ZC3H14: variants seen among roughly 807,000 people sequenced by gnomAD.
The protein encoded by ZC3H14 is zinc finger CCCH domain-containing protein 14.
In ZC3H14, 31 loss-of-function variants were observed where a neutral mutation model predicts 92.4. The observed-to-expected ratio is 0.34, with a 90% CI of 0.25 to 0.45. ZC3H14 has a LOEUF of 0.45. Ranked by LOEUF, ZC3H14 falls within the 20% of genes least tolerant of loss-of-function variation. The pLI, the probability that ZC3H14 is intolerant of heterozygous loss-of-function variation, is 1.00. For synonymous variants in ZC3H14, 321 were observed against 300.9 expected (o/e 1.07, Z -0.69); for missense variants, 781 against 897.3 (o/e 0.87, Z 1.66).
rs568233921 is a variant in ZC3H14, at chr14:88,599,619, G to A, written c.1355-2305G>A. Among the ~76,000 whole-genome samples the A allele has an allele frequency of 2.2e-4, 34 of 152,194 alleles. 1 individual carries two copies. In the East Asian group the frequency reaches 6.2e-3, roughly 28 times the overall value. The stretch of plus-strand genomic sequence containing the variant: ...TACTTTCTCCAAGCTTTGACCTTTC[G>A]GCTTCCAGTTCACTCTGTCTTTATT... On this transcript the variant is annotated intron_variant, in intron 10 of 16. Transcript: ENST00000251038.
chr14:88,577,957 TTCTA>T (rs1477048205), intron 8 of ZC3H14, 24 bp from the exon 9 acceptor site: 9 of 1,613,696 alleles, frequency 5.6e-6, no homozygotes, highest in Admixed American at 1.7e-5. Context: ...GCATTTGTAT[TTCTA>T]TCTTTTTTGC....
intron 9 of ZC3H14, among the ~76,000 whole-genome samples, chr14:88,578,600 A>G (rs895046458): frequency 2.0e-5 from 3 of 152,084 alleles, no homozygotes. Context: ...TCTTAAAGAT[A>G]TATTTATTTC....
At position 88,574,838 on chromosome 14, in the gene ZC3H14, C is replaced by G; in HGVS notation, c.1007C>G (p.Ala336Gly). ...ATCTCCAGCAGTGTGTCTGTGCCTG[C>G]AAAGCCTGAAAGGAGGTACCTTGAA... The part of the protein sequence containing the change: ...GSISSSVSVP[A>G]KPERRPSLPP... The change falls in exon 7 of 17, where the codon GCA (alanine) becomes GGA (glycine). Residue 336 changes from alanine (A) to glycine (G), a missense_variant. By Grantham distance (60) the Ala-to-Gly change is moderately conservative. Coordinates refer to ENST00000251038, the MANE Select transcript of ZC3H14 (RefSeq NM_024824.5). 2 of 1,614,170 alleles carry G rather than the reference C, an allele frequency of 1.2e-6. No individual in the cohort carries two copies. The highest frequency in any genetic ancestry group is 1.7e-6 in the Non-Finnish European group (2 of 1,180,024).
chr14:88,586,027 G>C (rs772201902), intron 9 of ZC3H14, among the ~76,000 whole-genome samples: 3 of 152,138 alleles, frequency 2.0e-5, no homozygotes, highest in Non-Finnish European at 2.9e-5. Flanking sequence ...AATTAGCCAG[G>C]CATGGTGGCA....
At chr14:88,594,936 A>T (rs2083604466) in intron 9 of ZC3H14, 2 of 1,613,998 alleles carry the variant, frequency 1.2e-6, no homozygotes, top group Non-Finnish European at 1.7e-6. Flanking sequence ...TTTTTGATCT[A>T]AATGTTAGAG....
chr14:88,603,151 C>A, intron 12 of ZC3H14, 91 bp downstream of exon 12: 1 of 1,275,444 alleles, frequency 7.8e-7, no homozygotes, highest in Non-Finnish European at 1.1e-6. Context: ...TGGTTAAAGG[C>A]CTTGCTTTTA....
chr14:88,594,400 G>A (rs922884250), intron 9 of ZC3H14: 12 of 1,099,666 alleles, frequency 1.1e-5, no homozygotes, highest in African/African-American at 1.7e-5. Context: ...GTAATAATAG[G>A]GTTTACTGGA....
In ZC3H14 at chr14:88,572,064, C is replaced by T. The variant is rs146896713; in HGVS notation, c.270C>T (p.Ile90=). Residue 90 remains isoleucine (I), a synonymous_variant, in exon 5 of 17, where the codon ATC becomes ATT. Coordinates refer to ENST00000251038, the MANE Select transcript of ZC3H14 (RefSeq NM_024824.5). ...GTCTGAAGTCTTCTGATACCAACAT[C>T]TTTGATAGTAACGTGCCTTCAAACA... ...PSSLKSSDTN[I]FDSNVPSNKS... is the part of the protein sequence containing the mutation. 107 of 1,614,102 alleles carry T rather than the reference C, an allele frequency of 6.6e-5. 1 individual carries two copies. In the African/African-American group the frequency reaches 1.2e-3, roughly 19 times the overall value.
chr14:88,589,643 G>A (rs2082868634), intron 9 of ZC3H14: 1 of 152,140 alleles, frequency 6.6e-6, no homozygotes, highest in Non-Finnish European at 1.5e-5. Context: ...CCTCATTTTA[G>A]TTTATTGGTG....
At chr14:88,578,231 A>G in intron 9 of ZC3H14, 91 bp downstream of exon 9, 4 of 1,486,326 alleles carry the variant, frequency 2.7e-6, no homozygotes, top group East Asian at 2.3e-5. Flanking sequence ...ATATTACACT[A>G]TGAAAAAAGT....
In ZC3H14 at chr14:88,574,830, T is replaced by C. The variant is rs1312431454; in HGVS notation, c.999T>C (p.Ser333=). 2 of 1,614,222 alleles carry C rather than the reference T, an allele frequency of 1.2e-6. No homozygotes were observed. The highest frequency in any genetic ancestry group is 8.5e-7 in the Non-Finnish European group (1 of 1,180,032). Reference sequence around the variant, plus strand: ...CAGGAAGCATCTCCAGCAGTGTGTCTGTGCCTGCAAAGCCTGAAAGGAGGT... The same window carrying C: ...CAGGAAGCATCTCCAGCAGTGTGTCCGTGCCTGCAAAGCCTGAAAGGAGGT... ...SRTGSISSSV[S]VPAKPERRPS... The change falls in exon 7 of 17, where the codon TCT becomes TCC. Residue 333 remains serine, a synonymous_variant. Coordinates refer to ENST00000251038, the MANE Select transcript of ZC3H14 (RefSeq NM_024824.5).
intron 9 of ZC3H14, among the ~76,000 whole-genome samples, chr14:88,580,193 C>T (rs2081719581): frequency 6.7e-6 from 1 of 148,188 alleles, no homozygotes; most frequent in Non-Finnish European, 1.5e-5. Context: ...TACCATTGCC[C>T]TCCAGGGAGG....
chr14:88,578,320 T>G (rs895107381), intron 9 of ZC3H14, among the ~76,000 whole-genome samples, 180 bp downstream of exon 9: 1 of 152,148 alleles, frequency 6.6e-6, no homozygotes, highest in Non-Finnish European at 1.5e-5. Flanking sequence ...AAATTTTTTT[T>G]TTAAAGAGGT....
At chr14:88,574,437 G>T (rs1838445455) in intron 6 of ZC3H14, 3 of 406,340 alleles carry the variant, frequency 7.4e-6, no homozygotes, top group South Asian at 6.4e-5. Context: ...TAGAGACAGG[G>T]TTTCACCATA....
At chr14:88,572,278 T>TG (rs2080523825) in intron 5 of ZC3H14, 53 bp downstream of exon 5, 5 of 1,575,724 alleles carry the variant, frequency 3.2e-6, no homozygotes, top group Non-Finnish European at 4.3e-6. Flanking sequence ...GTATGTGACA[T>TG]TTATATTAGT....
chr14:88,610,083 T>G (rs929650466), intron 15 of ZC3H14, among the ~76,000 whole-genome samples: 2 of 152,164 alleles, frequency 1.3e-5, no homozygotes, highest in Non-Finnish European at 2.9e-5. Flanking sequence ...TGGATGGGTT[T>G]TAGCGGGGGC....
Position 88,578,086 on chromosome 14 carries a change from A to T in ZC3H14, c.1225A>T (p.Ser409Cys), listed in dbSNP as rs775522897. The T allele has an allele frequency of 3.0e-5, 48 of 1,614,178 alleles. No homozygotes were observed. The East Asian group carries it at 1.1e-3, about 36-fold the overall frequency. The change falls in exon 9 of 17, where the codon AGT becomes TGT. Residue 409 changes from serine to cysteine, a missense_variant. By Grantham distance (112) the Ser-to-Cys change is moderately radical. This residue lies in a region of ZC3H14 where 454 missense variants were observed against 438.5 expected (regional missense o/e 1.04). Coordinates refer to ENST00000251038, the MANE Select transcript of ZC3H14 (RefSeq NM_024824.5). ...VQGQSRTPRI[S>C]PPIKEEETKG... is the part of the protein sequence containing the mutation. ...GGGACAAAGTAGGACCCCCAGAATA[A>T]GTCCCCCCATTAAAGAAGAGGAAAC...
rs1454685101 is a variant in ZC3H14 at position 88,594,922 on chromosome 14, A to G, written c.1280-1812A>G. On this transcript the variant is annotated intron_variant, in intron 9 of 16. Coordinates refer to ENST00000251038, the MANE Select transcript of ZC3H14 (RefSeq NM_024824.5). Reference sequence around the variant, plus strand: ...AGCAGCTATTTTGACAGTGGAAGCAAATCTTTTTGATCTAAATGTTAGAGT... The same window carrying G: ...AGCAGCTATTTTGACAGTGGAAGCAGATCTTTTTGATCTAAATGTTAGAGT... 5.3e-5 allele frequency: 86 copies of G among 1,613,908 alleles called. 1 individual carries two copies. Among genetic ancestry groups the G allele is most frequent in the Non-Finnish European group, 7.0e-5 (83 of 1,179,956 alleles).
At chr14:88,573,563 A>G (rs1018025820) in intron 6 of ZC3H14, 1 of 151,962 alleles carries the variant, frequency 6.6e-6, no homozygotes. Context: ...CCTCCCGAGT[A>G]GCTGGTATTA....
Sources: gnomAD v4.1 joint callset for allele counts (sites outside exome capture counted in the v4.1 genomes callset) on GRCh38, gnomAD v4.1.1 for gene constraint, gnomAD v4.1.1 regional missense constraint, MANE v1.5 for transcripts, NCBI Gene and HGNC (gene_info 2026-07-23, HGNC 2026-07-21) for gene names.